Variants in EDEM3 observed in about 807,000 individuals in gnomAD.
EDEM3 encodes ER degradation enhancing alpha-mannosidase like protein 3.
Under a neutral mutation model 110.2 loss-of-function variants are expected in EDEM3, and 60 were observed. The ratio of observed to expected loss-of-function variants is 0.54; its 90% CI spans 0.44 to 0.67. The LOEUF (loss-of-function observed/expected upper bound fraction) is 0.67, where lower values mean the gene tolerates loss of function less well. Ranked by LOEUF, EDEM3 falls within the 30% of genes least tolerant of loss-of-function variation. The pLI is 0.00. For missense variants in EDEM3, 996 were observed against 1,121.0 expected (o/e 0.89, Z 1.59); for synonymous variants, 352 against 382.9 (o/e 0.92, Z 0.94).
chr1:184,726,012 C>G (rs1235447197), intron 7 of EDEM3, among the ~76,000 whole-genome samples: 1 of 152,096 alleles, frequency 6.6e-6, no homozygotes, highest in Non-Finnish European at 1.5e-5. Context: ...AAAAAAATTT[C>G]TAAGACTAAA....
At chr1:184,746,868 T>A (rs1006071853) in intron 2 of EDEM3, among the ~76,000 whole-genome samples, 1 of 152,188 alleles carries the variant, frequency 6.6e-6, no homozygotes, top group Non-Finnish European at 1.5e-5. Context: ...GCCTGCCATG[T>A]ACCAGGCATT....
rs1649036604 is a variant in EDEM3, at chr1:184,690,930, G to A, written c.*3133C>T. 6.6e-6 allele frequency: 1 copy of A among 152,212 alleles called. No individual in the cohort carries two copies. Among genetic ancestry groups the A allele is most frequent in the Non-Finnish European group, 1.5e-5 (1 of 67,948 alleles). 9.4% of individuals were successfully genotyped at this position (152,212 alleles called of 1,614,324 possible). A position where few individuals can be genotyped will look rare whatever the true frequency, so the allele number is the denominator to read the frequency against. On this transcript the variant is annotated 3_prime_UTR_variant, in exon 20 of 20. Coordinates refer to ENST00000318130, the MANE Select transcript of EDEM3 (RefSeq NM_025191.4). ...ACTTATGCTGAGCTTTCTTCATGATGAATTTGGCATGGGGTTTGGTGAGAG... is the reference window on the plus strand; with the variant it reads ...ACTTATGCTGAGCTTTCTTCATGATAAATTTGGCATGGGGTTTGGTGAGAG...
chr1:184,748,031 C>T (rs919080103), intron 2 of EDEM3, among the ~76,000 whole-genome samples: 1 of 152,116 alleles, frequency 6.6e-6, no homozygotes, highest in Non-Finnish European at 1.5e-5. Flanking sequence ...GATGGAACCA[C>T]TTGGCCATCT....
intron 18 of EDEM3, 84 bp downstream of exon 18, chr1:184,706,559 G>T (rs148391452): frequency 2.3e-6 from 3 of 1,309,666 alleles, no homozygotes; most frequent in African/African-American, 1.5e-5. Flanking sequence ...CAAACTCTTT[G>T]ATAAAATTTT....
At chr1:184,714,980 T>A (rs1032135664) in intron 13 of EDEM3, among the ~76,000 whole-genome samples, 1 of 152,138 alleles carries the variant, frequency 6.6e-6, no homozygotes, top group Admixed American at 6.5e-5. Flanking sequence ...TGGTAGTTCT[T>A]AACCTTTCAT....
intron 15 of EDEM3, among the ~76,000 whole-genome samples, chr1:184,711,016 G>A (rs938116251): frequency 6.6e-6 from 1 of 152,028 alleles, no homozygotes; most frequent in Non-Finnish European, 1.5e-5. Flanking sequence ...TAACAAGCAA[G>A]AATAAGTACT....
At chr1:184,728,144 T>C (rs1571393238) in intron 6 of EDEM3, among the ~76,000 whole-genome samples, 1 of 152,336 alleles carries the variant, frequency 6.6e-6, no homozygotes, top group East Asian at 1.9e-4. Context: ...TACAAAGGAA[T>C]AGATCCTTGT....
intron 6 of EDEM3, 100 bp downstream of exon 6, chr1:184,732,737 G>T: frequency 1.7e-6 from 2 of 1,185,324 alleles, no homozygotes; most frequent in Non-Finnish European, 2.3e-6. Context: ...TTTTTTTTCA[G>T]CCTCAAGCTG....
rs1475781388 is a variant in EDEM3 at position 184,692,490 on chromosome 1, A to T, written c.*1573T>A. On this transcript the variant is annotated 3_prime_UTR_variant, in exon 20 of 20. Coordinates refer to ENST00000318130, the MANE Select transcript of EDEM3 (RefSeq NM_025191.4). ...TTTACCTGGGATCTAAACATACTGTACACGAATATACATAACTGCAATACA... is the reference window on the plus strand; with the variant it reads ...TTTACCTGGGATCTAAACATACTGTTCACGAATATACATAACTGCAATACA... The T allele has an allele frequency of 6.6e-6, 1 of 152,088 alleles. No individual in the cohort carries two copies. Among genetic ancestry groups the T allele is most frequent in the Non-Finnish European group, 1.5e-5 (1 of 67,966 alleles). The allele number at this position is 152,088 out of a possible 1,614,324, so 9.4% of individuals were successfully genotyped here.
rs765728282 is a variant in EDEM3 at position 184,711,796 on chromosome 1, A to G, written c.1618T>C (p.Leu540=). The change falls in exon 15 of 20, where the codon TTG becomes CTG. Residue 540 remains leucine, a synonymous_variant. Transcript: ENST00000318130. ...GGCTCACGAATACTTTGAGCATACAATGGGTCATTAGGAAAGAGGATCTGA... is the reference window on the plus strand; with the variant it reads ...GGCTCACGAATACTTTGAGCATACAGTGGGTCATTAGGAAAGAGGATCTGA... ...NTQILFPNDP[L]YAQSIREPLK... The G allele has an allele frequency of 4.7e-5, 76 of 1,613,434 alleles. No homozygotes were observed. The highest frequency in any genetic ancestry group is 6.3e-5 in the Non-Finnish European group (74 of 1,179,646).
intron 16 of EDEM3, among the ~76,000 whole-genome samples, chr1:184,709,431 T>A (rs1650106563): frequency 6.6e-6 from 1 of 152,198 alleles, no homozygotes; most frequent in Non-Finnish European, 1.5e-5. Flanking sequence ...GGAAACTGTT[T>A]ACATTGAGTG....
chr1:184,748,048 C>T (rs1652531417), intron 2 of EDEM3, among the ~76,000 whole-genome samples: 2 of 152,118 alleles, frequency 1.3e-5, no homozygotes, highest in Admixed American at 6.6e-5. Flanking sequence ...ATCTCAAAAT[C>T]ATTAGCCTAG....
At chr1:184,721,039 T>C (rs868436630) in intron 9 of EDEM3, 21 of 347,094 alleles carry the variant, frequency 6.1e-5, no homozygotes, top group Middle Eastern at 7.9e-4. Context: ...CTCAAATCTA[T>C]TACATCTCTT....
Position 184,693,859 on chromosome 1 carries a change from T to C in EDEM3, c.*204A>G. 1 of 534,250 alleles carries C rather than the reference T, an allele frequency of 1.9e-6. No homozygotes were observed. Among genetic ancestry groups the C allele is most frequent in the East Asian group, 3.0e-5 (1 of 33,830 alleles). 33.1% of individuals were successfully genotyped at this position (534,250 alleles called of 1,614,324 possible). ...TTGAAGGGGGAACTGTGGATTTCCA[T>C]TTTTGATGGGACAGTTTTAAACAAG... On this transcript the variant is annotated 3_prime_UTR_variant, in exon 20 of 20. Transcript: ENST00000318130.
chr1:184,750,782 G>A (rs1384084268), intron 1 of EDEM3, among the ~76,000 whole-genome samples: 1 of 151,996 alleles, frequency 6.6e-6, no homozygotes, highest in African/African-American at 2.4e-5. Context: ...CAAAGTGCTG[G>A]GATTACAGGT....
In EDEM3 at chr1:184,702,862, G is replaced by T. The variant is rs749061615; in HGVS notation, c.2338C>A (p.Arg780=). ...AGCACTTCTACCTCCTCATATTCCC[G>T]GATGGCATCCAGTATGATACTTCCT... ...KEGSIILDAI[R]EYEEVEVLLS... is the part of the protein sequence containing the mutation. The change falls in exon 19 of 20, where the codon CGG becomes AGG. Residue 780 remains arginine, a synonymous_variant. Transcript: ENST00000318130. 1 of 1,611,784 alleles carries T rather than the reference G, an allele frequency of 6.2e-7. No individual in the cohort carries two copies. The highest frequency in any genetic ancestry group is 1.3e-5 in the African/African-American group (1 of 74,646).
rs753982913 is a variant in EDEM3 at position 184,737,022 on chromosome 1, T to C, written c.345+3A>G. 6.2e-7 allele frequency: 1 copy of C among 1,611,436 alleles called. No homozygotes were observed. Among genetic ancestry groups the C allele is most frequent in the Non-Finnish European group, 8.5e-7 (1 of 1,177,916 alleles). On this transcript the variant is annotated splice_donor_region_variant and intron_variant, in intron 4 of 19. Transcript: ENST00000318130. ...AAATAAATCCAAGAAGAGTCAAACC[T>C]ACCACAAGAGTGTCCAAAGAATCAA...
intron 18 of EDEM3, among the ~76,000 whole-genome samples, chr1:184,705,663 A>T (rs550597626): frequency 2.0e-5 from 3 of 151,298 alleles, no homozygotes; most frequent in Non-Finnish European, 4.4e-5. Context: ...TACCTGAACT[A>T]TTTTTTTTTA....
In EDEM3 at chr1:184,750,130, T is replaced by G. The variant is rs548734194; in HGVS notation, c.159-538A>C. Among the ~76,000 whole-genome samples the G allele has an allele frequency of 1.1e-4, 17 of 152,384 alleles. No individual in the cohort carries two copies. In the East Asian group the frequency reaches 1.9e-3, roughly 17 times the overall value. ...ATAAACCACTAATGCCTAGTTTAAG[T>G]ACATATTTATTAATGTTTGTCATAT... On this transcript the variant is annotated intron_variant, in intron 1 of 19. Coordinates refer to ENST00000318130, the MANE Select transcript of EDEM3 (RefSeq NM_025191.4).
Sources: allele counts gnomAD v4.1 joint callset (sites outside exome capture counted in the v4.1 genomes callset), GRCh38; gene constraint gnomAD v4.1.1; transcripts MANE v1.5; gene names NCBI Gene and HGNC (gene_info 2026-07-23, HGNC 2026-07-21).